The following HMCN1 variants were observed in gnomAD, a reference collection of about 807,000 sequenced individuals.
HMCN1 encodes hemicentin-1.
In HMCN1, 321 loss-of-function variants were observed where a neutral mutation model predicts 625.9. That is an observed-to-expected ratio of 0.51 (90% CI 0.47 to 0.56). HMCN1 has a LOEUF of 0.56. Among genes scored for constraint, HMCN1 ranks in the 20% least tolerant of loss-of-function variants. The probability of loss-of-function intolerance (pLI) is 0.00; values close to 1 mark genes in which losing one functional copy is unlikely to be tolerated. For missense variants in HMCN1, 6,588 were observed against 6,887.3 expected (o/e 0.96, Z 1.54); for synonymous variants, 2,425 against 2,417.6 (o/e 1.00, Z -0.09).
intron 4 of HMCN1, among the ~76,000 whole-genome samples, chr1:185,887,456 C>G (rs185937925): frequency 8.7e-5 from 13 of 148,722 alleles, no homozygotes; most frequent in Middle Eastern, 3.2e-3. Context: ...ATCCCTCCCC[C>G]CTCCCCGCAC....
At chr1:185,844,023 A>G (rs908054817) in intron 1 of HMCN1, among the ~76,000 whole-genome samples, 1 of 151,974 alleles carries the variant, frequency 6.6e-6, no homozygotes, top group Non-Finnish European at 1.5e-5. Context: ...TTTTTCTAGT[A>G]TTCTTTGTAT....
chr1:185,980,902 A>G, intron 16 of HMCN1, 76 bp from the exon 17 acceptor site: 1 of 908,384 alleles, frequency 1.1e-6, no homozygotes, highest in Admixed American at 1.7e-5. Context: ...CCATGCACAG[A>G]TCTCAGCACT....
intron 95 of HMCN1, among the ~76,000 whole-genome samples, chr1:186,152,437 T>C (rs1178597023): frequency 6.6e-6 from 1 of 152,234 alleles, no homozygotes; most frequent in Non-Finnish European, 1.5e-5. Flanking sequence ...GTGGCCAGAC[T>C]AGTGGTTTTT....
chr1:186,162,281 G>A (rs2102608780), intron 97 of HMCN1, among the ~76,000 whole-genome samples: 1 of 152,152 alleles, frequency 6.6e-6, no homozygotes, highest in South Asian at 2.1e-4. Flanking sequence ...GCTCCTTTAA[G>A]CATTTCTCTG....
chr1:185,802,215 A>G (rs766014309), intron 1 of HMCN1, among the ~76,000 whole-genome samples: 2 of 152,172 alleles, frequency 1.3e-5, no homozygotes, highest in Non-Finnish European at 2.9e-5. Context: ...GTGCAATTGG[A>G]TGAACATAGG....
chr1:186,146,603 G>GA (rs1650333570), intron 93 of HMCN1, among the ~76,000 whole-genome samples: 1 of 152,052 alleles, frequency 6.6e-6, no homozygotes, highest in African/African-American at 2.4e-5. Flanking sequence ...AAATGTTCCT[G>GA]AAAAATCAAG....
At chr1:185,880,457 T>C (rs1398604574) in intron 4 of HMCN1, among the ~76,000 whole-genome samples, 1 of 152,226 alleles carries the variant, frequency 6.6e-6, no homozygotes, top group Non-Finnish European at 1.5e-5. Context: ...TTTCCTCTGA[T>C]ACTTTGAATG....
Position 185,997,529 on chromosome 1 carries a change from G to C in HMCN1, c.3874+5G>C. The C allele has an allele frequency of 6.3e-7, 1 of 1,584,394 alleles. No homozygotes were observed. Among genetic ancestry groups the C allele is most frequent in the Non-Finnish European group, 8.7e-7 (1 of 1,153,734 alleles). ...AATTTCCATGTCCTGCAAAAGGTACGTAATACTGAAAGATATAGGCATTGG... is the reference window on the plus strand; with the variant it reads ...AATTTCCATGTCCTGCAAAAGGTACCTAATACTGAAAGATATAGGCATTGG... On this transcript the variant is annotated splice_donor_5th_base_variant and intron_variant, in intron 25 of 106. Coordinates refer to ENST00000271588, the MANE Select transcript of HMCN1 (RefSeq NM_031935.3).
At chr1:185,785,333 C>T (rs933497378) in intron 1 of HMCN1, among the ~76,000 whole-genome samples, 4 of 152,202 alleles carry the variant, frequency 2.6e-5, no homozygotes, top group African/African-American at 9.7e-5. Context: ...TTTGAGATAA[C>T]TGTACACTTT....
intron 97 of HMCN1, among the ~76,000 whole-genome samples, chr1:186,160,945 T>C (rs1465530650): frequency 6.6e-6 from 1 of 152,026 alleles, no homozygotes; most frequent in Admixed American, 6.6e-5. Context: ...GTCCACTTGG[T>C]GCAGAGCTGA....
In HMCN1 at chr1:186,130,075, G is replaced by A. The variant is rs889164124; in HGVS notation, c.13014G>A (p.Lys4338=). 1.9e-6 allele frequency: 3 copies of A among 1,613,080 alleles called. No homozygotes were observed. In the African/African-American group the frequency reaches 4.0e-5, roughly 22 times the overall value. The change falls in exon 84 of 107, where the codon AAG becomes AAA. Residue 4338 remains lysine, a synonymous_variant. Coordinates refer to ENST00000271588, the MANE Select transcript of HMCN1 (RefSeq NM_031935.3). The stretch of plus-strand genomic sequence containing the variant: ...CAGAGAACAGCGTTGGCTTTGTGAA[G>A]GCAATTGGATTTGTTTATGTGAAAG... ...CTAENSVGFV[K]AIGFVYVKEP... is the part of the protein sequence containing the mutation.
chr1:185,898,638 G>C (rs1665629511), intron 4 of HMCN1, among the ~76,000 whole-genome samples: 1 of 152,076 alleles, frequency 6.6e-6, no homozygotes, highest in Non-Finnish European at 1.5e-5. Flanking sequence ...ACAAATCCTA[G>C]ATTTCAGCTC....
In HMCN1 at chr1:186,152,742, A is replaced by G; in HGVS notation, c.14897-8A>G. On this transcript the variant is annotated splice_polypyrimidine_tract_variant and splice_region_variant and intron_variant, in intron 95 of 106. Coordinates refer to ENST00000271588, the MANE Select transcript of HMCN1 (RefSeq NM_031935.3). The stretch of plus-strand genomic sequence containing the variant: ...TTGCTGTCAAAATGAATGTCTTGTA[A>G]TTCCCAGGAGAAATCTTGCAGATGA... 6.2e-7 allele frequency: 1 copy of G among 1,613,758 alleles called. No homozygotes were observed. Among genetic ancestry groups the G allele is most frequent in the South Asian group, 1.1e-5 (1 of 91,078 alleles).
At chr1:186,005,088 T>C (rs1553273406) in intron 29 of HMCN1, among the ~76,000 whole-genome samples, 1 of 151,510 alleles carries the variant, frequency 6.6e-6, no homozygotes, top group African/African-American at 2.4e-5. Flanking sequence ...TTATAAATAA[T>C]TTTTTAATTG....
chr1:186,093,340 T>C (rs1659949690), intron 65 of HMCN1, 82 bp downstream of exon 65: 1 of 1,597,724 alleles, frequency 6.3e-7, no homozygotes. Flanking sequence ...AGCAGGTGTC[T>C]GGAGCATTTA....
chr1:185,828,957 G>A (rs1244545559), intron 1 of HMCN1, among the ~76,000 whole-genome samples: 4 of 151,968 alleles, frequency 2.6e-5, no homozygotes, highest in African/African-American at 4.8e-5. Context: ...GCAAAATGAA[G>A]TAATAAAGCA....
In HMCN1 at chr1:186,045,837, A is replaced by G. The variant is rs775741276; in HGVS notation, c.6454A>G (p.Ile2152Val). The stretch of plus-strand genomic sequence containing the variant: ...CTTGCTGAAGAAACCAGGCCTCAGT[A>G]TATCTGAAAATAGAAGTGTGTTAAA... ...HPLLKKPGLSISENRSVLKIE... is the reference protein window; with the variant it reads ...HPLLKKPGLSVSENRSVLKIE... The change falls in exon 41 of 107, where the codon ATA becomes GTA. Residue 2152 changes from isoleucine (I) to valine (V), a missense_variant. Coordinates refer to ENST00000271588, the MANE Select transcript of HMCN1 (RefSeq NM_031935.3). 43 of 1,612,106 alleles carry G rather than the reference A, an allele frequency of 2.7e-5. No homozygotes were observed. The highest frequency in any genetic ancestry group is 3.2e-5 in the Non-Finnish European group (38 of 1,178,502).
In HMCN1 at chr1:186,189,656, G is replaced by C; in HGVS notation, c.16686G>C (p.Val5562=). 1 of 1,611,998 alleles carries C rather than the reference G, an allele frequency of 6.2e-7. No homozygotes were observed. Among genetic ancestry groups the C allele is most frequent in the Non-Finnish European group, 8.5e-7 (1 of 1,178,652 alleles). Residue 5562 remains valine (V), a synonymous_variant, in exon 107 of 107, where the codon GTG becomes GTC. Coordinates refer to ENST00000271588, the MANE Select transcript of HMCN1 (RefSeq NM_031935.3). ...TGGTTGCATACACACAGGATGGAGT[G>C]ATGCATCCCAGGACAACTTTCCTCA... ...IRLVAYTQDG[V]MHPRTTFLMV...
intron 4 of HMCN1, among the ~76,000 whole-genome samples, chr1:185,890,076 A>G (rs1276250465): frequency 1.3e-5 from 2 of 151,956 alleles, no homozygotes; most frequent in Non-Finnish European, 2.9e-5. Flanking sequence ...CATTTCTTCT[A>G]GATTTTCTAG....
Sources: allele counts gnomAD v4.1 joint callset (sites outside exome capture counted in the v4.1 genomes callset), GRCh38; gene constraint gnomAD v4.1.1; transcripts MANE v1.5; gene names NCBI Gene and HGNC (gene_info 2026-07-23, HGNC 2026-07-21).